Variants in PDE10A observed in about 807,000 individuals in gnomAD.
PDE10A encodes cAMP and cAMP-inhibited cGMP 3',5'-cyclic phosphodiesterase 10A.
Under a neutral mutation model 97.7 loss-of-function variants are expected in PDE10A, and 39 were observed. That is an observed-to-expected ratio of 0.40 (90% CI 0.31 to 0.52). The LOEUF is 0.52. Among genes scored for constraint, PDE10A ranks in the 20% least tolerant of loss-of-function variants. The probability of loss-of-function intolerance (pLI) is 0.56; values close to 1 mark genes in which losing one functional copy is unlikely to be tolerated. For synonymous variants in PDE10A, 371 were observed against 376.8 expected (o/e 0.98, Z 0.18); for missense variants, 731 against 1,047.8 (o/e 0.70, Z 4.17).
At chr6:165,749,425 TCAC>T (rs1792940081) in intron 1 of PDE10A, among the ~76,000 whole-genome samples, 2 of 136,988 alleles carry the variant, frequency 1.5e-5, no homozygotes, top group Admixed American at 7.1e-5. Flanking sequence ...ATCATCACCA[TCAC>T]CACCATCACC....
At chr6:165,839,025 G>A (rs1246703804) in intron 1 of PDE10A, among the ~76,000 whole-genome samples, 1 of 152,138 alleles carries the variant, frequency 6.6e-6, no homozygotes, top group African/African-American at 2.4e-5. Flanking sequence ...GGCTGTCCAT[G>A]GATTTTCTGG....
intron 1 of PDE10A, among the ~76,000 whole-genome samples, chr6:165,709,759 C>G (rs1011883574): frequency 6.9e-6 from 1 of 143,892 alleles, no homozygotes; most frequent in South Asian, 2.5e-4. Context: ...CTCTGCGAGC[C>G]GCAACCATGG....
At chr6:165,468,717 C>G (rs1249528323) in intron 3 of PDE10A, among the ~76,000 whole-genome samples, 1 of 152,208 alleles carries the variant, frequency 6.6e-6, no homozygotes, top group Non-Finnish European at 1.5e-5. Flanking sequence ...TGTGAAAACA[C>G]TTATGACCAA....
chr6:165,926,710 A>G (rs1782945184), intron 1 of PDE10A, among the ~76,000 whole-genome samples: 2 of 152,166 alleles, frequency 1.3e-5, no homozygotes, highest in South Asian at 4.1e-4. Flanking sequence ...TCAGCATCAA[A>G]GACGTGTCAG....
chr6:165,813,816 A>G (rs118059246), intron 1 of PDE10A, among the ~76,000 whole-genome samples: 2 of 152,072 alleles, frequency 1.3e-5, no homozygotes, highest in African/African-American at 2.4e-5. Flanking sequence ...TCTGACCGTC[A>G]TAGACACTCA....
At chr6:165,398,961 G>A (rs1179445047) in intron 13 of PDE10A, among the ~76,000 whole-genome samples, 1 of 152,064 alleles carries the variant, frequency 6.6e-6, no homozygotes, top group Non-Finnish European at 1.5e-5. Flanking sequence ...AAGACATAGA[G>A]TAAAATTAAA....
At chr6:165,526,910 C>T (rs1484877729) in intron 2 of PDE10A, among the ~76,000 whole-genome samples, 2 of 152,190 alleles carry the variant, frequency 1.3e-5, no homozygotes, top group African/African-American at 2.4e-5. Context: ...CAATCTTATT[C>T]GGAGAGACCT....
chr6:165,825,550 A>G (rs1451803571), intron 1 of PDE10A, among the ~76,000 whole-genome samples: 1 of 152,210 alleles, frequency 6.6e-6, no homozygotes, highest in African/African-American at 2.4e-5. Context: ...TGAGTCTACA[A>G]AAGGCTCCTG....
At chr6:165,372,697 A>G (rs541552679) in intron 18 of PDE10A, among the ~76,000 whole-genome samples, 107 of 143,214 alleles carry the variant, frequency 7.5e-4, no homozygotes, top group African/African-American at 2.7e-3. Flanking sequence ...CAAGCTACCA[A>G]TGACTTTCTT....
At chr6:165,789,009 G>T (rs1022581570) in intron 1 of PDE10A, among the ~76,000 whole-genome samples, 1 of 152,072 alleles carries the variant, frequency 6.6e-6, no homozygotes, top group African/African-American at 2.4e-5. Flanking sequence ...TGGCCACAAG[G>T]CTGCTCTTCT....
intron 1 of PDE10A, among the ~76,000 whole-genome samples, chr6:165,676,750 T>TA (rs765930150): frequency 2.0e-5 from 3 of 146,898 alleles, no homozygotes; most frequent in African/African-American, 7.5e-5. Flanking sequence ...CTTTTTTTTT[T>TA]AAAGCTCACC....
intron 1 of PDE10A, among the ~76,000 whole-genome samples, chr6:165,552,657 T>C (rs895337711): frequency 2.0e-5 from 3 of 152,104 alleles, no homozygotes; most frequent in Non-Finnish European, 2.9e-5. Context: ...CTGTGCCAAG[T>C]CTCTCCTGGA....
intron 1 of PDE10A, among the ~76,000 whole-genome samples, chr6:165,791,682 G>C (rs1778654301): frequency 6.6e-6 from 1 of 152,114 alleles, no homozygotes; most frequent in African/African-American, 2.4e-5. Context: ...ACAGCTCCGT[G>C]GCCTTCACCC....
intron 1 of PDE10A, among the ~76,000 whole-genome samples, chr6:165,980,279 C>G (rs1056443433): frequency 2.0e-5 from 3 of 152,152 alleles, no homozygotes; most frequent in Non-Finnish European, 4.4e-5. Flanking sequence ...GGACAAATGG[C>G]CTTCGGTAGA....
chr6:165,584,972 G>C (rs1785823766), intron 1 of PDE10A, among the ~76,000 whole-genome samples: 1 of 152,182 alleles, frequency 6.6e-6, no homozygotes, highest in Non-Finnish European at 1.5e-5. Context: ...ATGTTTATGA[G>C]TATTTCTTAT....
chr6:165,906,985 C>T (rs1782304736), intron 1 of PDE10A, among the ~76,000 whole-genome samples: 1 of 152,224 alleles, frequency 6.6e-6, no homozygotes, highest in Non-Finnish European at 1.5e-5. Context: ...CCTTGCTGGA[C>T]AGGTCTTGTG....
intron 2 of PDE10A, among the ~76,000 whole-genome samples, chr6:165,501,429 CG>C (rs1351423664): frequency 3.3e-5 from 5 of 152,140 alleles, no homozygotes; most frequent in African/African-American, 1.2e-4. Flanking sequence ...GGCGTGGTGG[CG>C]GGCGCCTGTA....
At chr6:165,767,734 CT>C (rs2082120116) in intron 1 of PDE10A, among the ~76,000 whole-genome samples, 1 of 152,152 alleles carries the variant, frequency 6.6e-6, no homozygotes, top group African/African-American at 2.4e-5. Context: ...ATTAGTAATG[CT>C]GCTACGAACA....
intron 1 of PDE10A, among the ~76,000 whole-genome samples, chr6:165,854,282 G>C (rs1780652129): frequency 6.6e-6 from 1 of 152,182 alleles, no homozygotes; most frequent in East Asian, 1.9e-4. Flanking sequence ...GCCGGGTGAC[G>C]GAGGAGAAAG....
Sources: gnomAD v4.1 joint callset for allele counts (sites outside exome capture counted in the v4.1 genomes callset) on GRCh38, gnomAD v4.1.1 for gene constraint, MANE v1.5 for transcripts, NCBI Gene and HGNC (gene_info 2026-07-23, HGNC 2026-07-21) for gene names.